The following TLL2 variants were observed in gnomAD, a reference collection of about 807,000 sequenced individuals.
TLL2 encodes tolloid-like protein 2.
A neutral mutation model predicts 123.0 loss-of-function variants in TLL2; 106 were observed. The observed-to-expected ratio is 0.86, with a 90% CI of 0.74 to 1.01. The LOEUF is 1.01. Among genes scored for constraint, TLL2 ranks in the 50% least tolerant of loss-of-function variants. TLL2 has a pLI of 0.00. For synonymous variants in TLL2, 494 were observed against 516.8 expected, an observed-to-expected ratio of 0.96 and a Z score of 0.60; for missense variants, 1,332 against 1,336.7, an observed-to-expected ratio of 1.00 and a Z score of 0.06.
At chr10:96,463,072 A>G (rs1398322430) in intron 2 of TLL2, among the ~76,000 whole-genome samples, 2 of 152,250 alleles carry the variant, frequency 1.3e-5, no homozygotes, top group African/African-American at 4.8e-5. Context: ...TTTTAGGGTT[A>G]CAAATAAATG....
At chr10:96,372,810 G>T (rs1385605499) in intron 19 of TLL2, among the ~76,000 whole-genome samples, 1 of 152,130 alleles carries the variant, frequency 6.6e-6, no homozygotes, top group East Asian at 1.9e-4. Context: ...TCCTGCTTCG[G>T]CCTCCAGGGT....
intron 7 of TLL2, among the ~76,000 whole-genome samples, chr10:96,415,757 C>T (rs868328943): frequency 4.4e-4 from 45 of 102,434 alleles, no homozygotes; most frequent in African/African-American, 1.8e-3. Context: ...CTCTCTCTCT[C>T]TCTCTCTCTG....
At chr10:96,412,358 T>C (rs1173715626) in intron 8 of TLL2, among the ~76,000 whole-genome samples, 8 of 152,212 alleles carry the variant, frequency 5.3e-5, no homozygotes, top group African/African-American at 1.9e-4. Flanking sequence ...GGAAAGGCTA[T>C]TGGTAATGGA....
intron 2 of TLL2, among the ~76,000 whole-genome samples, chr10:96,479,298 A>G (rs926294725): frequency 2.0e-5 from 3 of 152,174 alleles, no homozygotes; most frequent in Non-Finnish European, 4.4e-5. Context: ...CCTCCTGGCA[A>G]TGTCAGCCCT....
chr10:96,388,386 G>T (rs1157862483), intron 13 of TLL2, among the ~76,000 whole-genome samples: 2 of 152,174 alleles, frequency 1.3e-5, no homozygotes, highest in Non-Finnish European at 2.9e-5. Flanking sequence ...GGGCAACGGA[G>T]CAAGACTCTG....
chr10:96,504,771 C>G (rs1235621911), intron 1 of TLL2, among the ~76,000 whole-genome samples: 1 of 152,202 alleles, frequency 6.6e-6, no homozygotes, highest in Non-Finnish European at 1.5e-5. Context: ...CTTTGGGAGG[C>G]CGAAGTGAGC....
intron 7 of TLL2, among the ~76,000 whole-genome samples, chr10:96,417,068 C>G (rs1846569839): frequency 6.6e-6 from 1 of 152,154 alleles, no homozygotes. Context: ...GGAGACAGCT[C>G]AATCGTAAAG....
In TLL2 at chr10:96,474,688, G is replaced by T. The variant is rs572016648; in HGVS notation, c.286+5661C>A. Among the ~76,000 whole-genome samples, 23 of 152,300 alleles carry T rather than the reference G, an allele frequency of 1.5e-4. No homozygotes were observed. In the East Asian group the frequency reaches 3.9e-3, roughly 26 times the overall value. Reference sequence around the variant, plus strand: ...AATAAGCAAGGGGGAGCTATTGAAGGCTCTAAACAGCACAGCAGTATTCGT... The same window carrying T: ...AATAAGCAAGGGGGAGCTATTGAAGTCTCTAAACAGCACAGCAGTATTCGT... On this transcript the variant is annotated intron_variant, in intron 2 of 20. Coordinates refer to ENST00000357947, the MANE Select transcript of TLL2 (RefSeq NM_012465.4).
intron 2 of TLL2, among the ~76,000 whole-genome samples, chr10:96,478,467 C>T (rs1847280547): frequency 6.6e-6 from 1 of 152,198 alleles, no homozygotes; most frequent in African/African-American, 2.4e-5. Context: ...TATGACCCAG[C>T]ACCCCCACTC....
chr10:96,401,524 A>G (rs10882787), intron 10 of TLL2, among the ~76,000 whole-genome samples: 49,277 of 139,256 alleles, frequency 0.35, 8,689 homozygotes, highest in Non-Finnish European at 0.43. Flanking sequence ...ACACACACAC[A>G]CGCACACACA....
At position 96,402,397 on chromosome 10, in the gene TLL2, C is replaced by T. The variant is rs560119180; in HGVS notation, c.1267+2835G>A. On this transcript the variant is annotated intron_variant, in intron 10 of 20. Transcript: ENST00000357947. ...CCCAATTTGTGGGGATTCCAATTCA[C>T]GGTCTCCCAGGAATCTGTATTCATA... Among the ~76,000 whole-genome samples the T allele has an allele frequency of 9.2e-5, 14 of 152,316 alleles. No individual in the cohort carries two copies. In the East Asian group the frequency reaches 1.7e-3, roughly 19 times the overall value.
At chr10:96,510,693 AT>A (rs1652740166) in intron 1 of TLL2, among the ~76,000 whole-genome samples, 1 of 152,226 alleles carries the variant, frequency 6.6e-6, no homozygotes, top group Admixed American at 6.5e-5. Flanking sequence ...TAAAAATGGT[AT>A]TAAAAATTGC....
chr10:96,382,946 A>C (rs1846199089), intron 16 of TLL2, among the ~76,000 whole-genome samples: 1 of 152,126 alleles, frequency 6.6e-6, no homozygotes, highest in African/African-American at 2.4e-5. Flanking sequence ...GTGGGTCTTC[A>C]GGTTGAAGTA....
At chr10:96,404,363 T>C (rs758491472) in intron 10 of TLL2, among the ~76,000 whole-genome samples, 32 of 152,142 alleles carry the variant, frequency 2.1e-4, no homozygotes, top group Admixed American at 8.5e-4. Context: ...GTTCATGCCC[T>C]GTTCATCTCA....
chr10:96,448,739 G>A (rs1846925187), intron 2 of TLL2, among the ~76,000 whole-genome samples: 1 of 152,162 alleles, frequency 6.6e-6, no homozygotes, highest in Non-Finnish European at 1.5e-5. Context: ...AACAGCAAGT[G>A]CAAAGGCCCT....
At position 96,420,942 on chromosome 10, in the gene TLL2, G is replaced by A. The variant is rs1846614214; in HGVS notation, c.923+14C>T. 1.2e-6 allele frequency: 2 copies of A among 1,611,764 alleles called. No homozygotes were observed. Among genetic ancestry groups the A allele is most frequent in the Non-Finnish European group, 1.7e-6 (2 of 1,177,986 alleles). On this transcript the variant is annotated intron_variant, in intron 7 of 20. Coordinates refer to ENST00000357947, the MANE Select transcript of TLL2 (RefSeq NM_012465.4). Reference sequence around the variant, plus strand: ...ACAGTAAAACACAGACGAGGCATAAGCATAGATTCCGACCTTGAGAAGGTG... The same window carrying A: ...ACAGTAAAACACAGACGAGGCATAAACATAGATTCCGACCTTGAGAAGGTG...
At chr10:96,403,197 G>A (rs958876405) in intron 10 of TLL2, among the ~76,000 whole-genome samples, 5 of 152,120 alleles carry the variant, frequency 3.3e-5, no homozygotes, top group Non-Finnish European at 5.9e-5. Flanking sequence ...GAGTCCTAGT[G>A]TCTACTCCCG....
intron 7 of TLL2, among the ~76,000 whole-genome samples, chr10:96,416,567 C>A (rs1846564209): frequency 1.3e-5 from 2 of 152,236 alleles, no homozygotes; most frequent in South Asian, 4.1e-4. Flanking sequence ...GAATCCTCCT[C>A]CTTCCAGCCA....
intron 20 of TLL2, among the ~76,000 whole-genome samples, chr10:96,368,451 T>C (rs559358459): frequency 6.6e-6 from 1 of 152,372 alleles, no homozygotes; most frequent in Admixed American, 6.5e-5. Context: ...ATAGCTCATA[T>C]AGAATCTATT....
Sources: allele counts gnomAD v4.1 joint callset (sites outside exome capture counted in the v4.1 genomes callset), GRCh38; gene constraint gnomAD v4.1.1; transcripts MANE v1.5; gene names NCBI Gene and HGNC (gene_info 2026-07-23, HGNC 2026-07-21).